PCCA: variants seen among roughly 807,000 people sequenced by gnomAD.
The protein encoded by PCCA is propionyl-CoA carboxylase subunit alpha.
A neutral mutation model predicts 101.3 loss-of-function variants in PCCA; 74 were observed. The ratio of observed to expected loss-of-function variants is 0.73; its 90% CI spans 0.61 to 0.89. PCCA has a LOEUF of 0.89. PCCA is among the 40% of genes least tolerant of loss of function. PCCA has a pLI of 0.00. For synonymous variants in PCCA, 294 were observed against 313.6 expected, an observed-to-expected ratio of 0.94 and a Z score of 0.66; for missense variants, 891 against 907.0, an observed-to-expected ratio of 0.98 and a Z score of 0.23.
intron 16 of PCCA, among the ~76,000 whole-genome samples, chr13:100,326,580 AAAGT>A (rs2068711536): frequency 6.6e-6 from 1 of 152,170 alleles, no homozygotes; most frequent in African/African-American, 2.4e-5. Flanking sequence ...GTATATTCAT[AAAGT>A]TATACAGAGT....
intron 2 of PCCA, chr13:100,104,375 A>G (rs1367263868): frequency 6.6e-6 from 1 of 152,170 alleles, no homozygotes; most frequent in East Asian, 1.9e-4. Context: ...CTCGACCTGT[A>G]ATCCCCATGT....
In PCCA at chr13:100,530,282, G is replaced by A. The variant is rs886049929; in HGVS notation, c.*116G>A. The A allele has an allele frequency of 2.5e-4, 213 of 846,058 alleles. 2 individuals carry two copies. Among genetic ancestry groups the A allele is most frequent in the East Asian group, 3.9e-4 (15 of 38,870 alleles). 52.4% of individuals were successfully genotyped at this position (846,058 alleles called of 1,614,324 possible). Reference sequence around the variant, plus strand: ...ACCCCTGTGCAGCTACGTTTACGTCGTCATTTATTCCACAGAGTCAAGACC... The same window carrying A: ...ACCCCTGTGCAGCTACGTTTACGTCATCATTTATTCCACAGAGTCAAGACC... On this transcript the variant is annotated 3_prime_UTR_variant, in exon 24 of 24. Transcript: ENST00000376285.
At chr13:100,422,115 T>TTTCTTTCTTTCTTTCTTTCC (rs2078849736) in intron 19 of PCCA, among the ~76,000 whole-genome samples, 1 of 141,570 alleles carries the variant, frequency 7.1e-6, no homozygotes, top group Non-Finnish European at 1.5e-5. Flanking sequence ...TCTTTCTTTC[T>TTTCTTTCTTTCTTTCTTTCC]TTCTTTTCTT....
Position 100,089,194 on chromosome 13 carries a change from T to C in PCCA, c.74T>C (p.Leu25Pro). 6.5e-7 allele frequency: 1 copy of C among 1,528,486 alleles called. No homozygotes were observed. The highest frequency in any genetic ancestry group is 1.2e-5 in the South Asian group (1 of 80,144). The allele number at this position is 1,528,486 out of a possible 1,614,324, so 94.7% of individuals were successfully genotyped here. Residue 25 changes from leucine to proline, a missense_variant, in exon 1 of 24, where the codon CTG becomes CCG. By Grantham distance (98) the Leu-to-Pro change is moderately conservative (BLOSUM62 -3). Transcript: ENST00000376285. ...GRRGRWPPQQ[L>P]MLSAALRTLK... is the part of the protein sequence containing the mutation. ...CGTGGGCGGTGGCCGCCGCAGCAGC[T>C]GATGCTGAGCGCGGCGCTGCGGACC...
At chr13:100,160,011 T>C (rs2054284942) in intron 6 of PCCA, among the ~76,000 whole-genome samples, 1 of 152,250 alleles carries the variant, frequency 6.6e-6, no homozygotes, top group Non-Finnish European at 1.5e-5. Context: ...TACATTGTTT[T>C]TACTTAATAT....
At chr13:100,363,980 A>G (rs2074913636) in intron 18 of PCCA, among the ~76,000 whole-genome samples, 1 of 152,240 alleles carries the variant, frequency 6.6e-6, no homozygotes, top group African/African-American at 2.4e-5. Flanking sequence ...TATGTCGAGC[A>G]TATTCATCCT....
At chr13:100,371,413 G>C (rs2075564413) in intron 19 of PCCA, among the ~76,000 whole-genome samples, 1 of 152,126 alleles carries the variant, frequency 6.6e-6, no homozygotes, top group Non-Finnish European at 1.5e-5. Context: ...GCTTAAAAAA[G>C]ACACAAATAT....
At chr13:100,308,106 G>A (rs1351115686) in intron 15 of PCCA, among the ~76,000 whole-genome samples, 2 of 152,154 alleles carry the variant, frequency 1.3e-5, no homozygotes, top group Admixed American at 6.5e-5. Context: ...GCCCGCCTCG[G>A]CCTCCCAAAG....
chr13:100,352,095 G>A (rs1168404794), intron 18 of PCCA, among the ~76,000 whole-genome samples: 2 of 152,020 alleles, frequency 1.3e-5, no homozygotes, highest in Non-Finnish European at 2.9e-5. Context: ...AATAATAAAG[G>A]AATAGAGGGA....
At chr13:100,507,858 A>G (rs1344296892) in intron 21 of PCCA, among the ~76,000 whole-genome samples, 1 of 151,404 alleles carries the variant, frequency 6.6e-6, no homozygotes, top group African/African-American at 2.5e-5. Context: ...GGGTTTCACT[A>G]TGTAGGCCAG....
chr13:100,279,939 T>G (rs1225738306), intron 12 of PCCA, among the ~76,000 whole-genome samples: 1 of 152,086 alleles, frequency 6.6e-6, no homozygotes, highest in Non-Finnish European at 1.5e-5. Context: ...TGTTCTTTTT[T>G]TATTTTCTTT....
intron 20 of PCCA, among the ~76,000 whole-genome samples, chr13:100,446,771 A>G (rs2080863263): frequency 6.6e-6 from 1 of 152,240 alleles, no homozygotes; most frequent in South Asian, 2.1e-4. Context: ...TGAAAACGAG[A>G]GTCAACTAAT....
chr13:100,398,167 A>G (rs1207131848), intron 19 of PCCA, among the ~76,000 whole-genome samples: 1 of 152,198 alleles, frequency 6.6e-6, no homozygotes, highest in Non-Finnish European at 1.5e-5. Flanking sequence ...CAGTAGTGTA[A>G]CTTAACAAAG....
chr13:100,488,163 G>A (rs1276086470), intron 21 of PCCA, among the ~76,000 whole-genome samples: 3 of 152,162 alleles, frequency 2.0e-5, no homozygotes, highest in South Asian at 2.1e-4. Flanking sequence ...GCACAATCTC[G>A]GCTCACCGCA....
chr13:100,287,595 T>C (rs899446863), intron 12 of PCCA, among the ~76,000 whole-genome samples: 6 of 152,180 alleles, frequency 3.9e-5, no homozygotes, highest in African/African-American at 1.2e-4. Flanking sequence ...GGCATACTTA[T>C]ATTTAATCCC....
At chr13:100,529,547 C>G (rs929484231) in intron 23 of PCCA, among the ~76,000 whole-genome samples, 1 of 152,144 alleles carries the variant, frequency 6.6e-6, no homozygotes, top group African/African-American at 2.4e-5. Context: ...ACCCATGGTG[C>G]TGGAAAGGGC....
At chr13:100,114,686 G>A (rs990861575) in intron 4 of PCCA, among the ~76,000 whole-genome samples, 7 of 152,150 alleles carry the variant, frequency 4.6e-5, no homozygotes, top group Non-Finnish European at 7.3e-5. Flanking sequence ...AAAGGTGCTC[G>A]ACATTACTGA....
chr13:100,454,693 G>A lies in PCCA; in HGVS notation c.1899+5388G>A, dbSNP rs543763897. 7.2e-5 allele frequency among the ~76,000 whole-genome samples: 11 copies of A among 152,280 alleles called. No homozygotes were observed. In the East Asian group the frequency reaches 1.7e-3, roughly 24 times the overall value. ...AATATTGATAAACATGATCTTCAAT[G>A]TTCAAAGGAGAGTTCAATTTTAGAC... On this transcript the variant is annotated intron_variant, in intron 21 of 23. Coordinates refer to ENST00000376285, the MANE Select transcript of PCCA (RefSeq NM_000282.4).
Position 100,380,612 on chromosome 13 carries a change from C to T in PCCA, c.1746+12038C>T, listed in dbSNP as rs190546891. 1.1e-3 allele frequency among the ~76,000 whole-genome samples: 173 copies of T among 152,244 alleles called. 6 individuals are homozygous for T. The South Asian group carries it at 0.031, about 27-fold the overall frequency. ...GAATAATCTCTTCAACAAATGGTGT[C>T]GAAACACCTGGGTTCACATGTAAAG... On this transcript the variant is annotated intron_variant, in intron 19 of 23. Coordinates refer to ENST00000376285, the MANE Select transcript of PCCA (RefSeq NM_000282.4).
Sources: gnomAD v4.1 joint callset for allele counts (sites outside exome capture counted in the v4.1 genomes callset) on GRCh38, gnomAD v4.1.1 for gene constraint, MANE v1.5 for transcripts, NCBI Gene and HGNC (gene_info 2026-07-23, HGNC 2026-07-21) for gene names.